Variants in MAGI2 observed in about 807,000 individuals in gnomAD.
The protein encoded by MAGI2 is membrane-associated guanylate kinase, WW and PDZ domain-containing protein 2.
In MAGI2, 35 loss-of-function variants were observed where a neutral mutation model predicts 133.3. The observed-to-expected ratio is 0.26, with a 90% CI of 0.20 to 0.35. The LOEUF is 0.35. MAGI2 is among the 10% of genes least tolerant of loss of function. The pLI, the probability that MAGI2 is intolerant of heterozygous loss-of-function variation, is 1.00. For missense variants in MAGI2, 1,636 were observed against 1,863.4 expected (o/e 0.88, Z 2.25); for synonymous variants, 729 against 710.6 (o/e 1.03, Z -0.41).
chr7:78,600,096 C>A lies in MAGI2; in HGVS notation c.538+27024G>T, dbSNP rs113423784. 5.9e-5 allele frequency among the ~76,000 whole-genome samples: 9 copies of A among 152,182 alleles called. No homozygotes were observed. In the East Asian group the frequency reaches 1.4e-3, roughly 23 times the overall value. On this transcript the variant is annotated intron_variant, in intron 3 of 21. Coordinates refer to ENST00000354212, the MANE Select transcript of MAGI2 (RefSeq NM_012301.4). ...TCTTAAAAACCAATAAAATTGGATA[C>A]CTTTTTGTAAATATCTCCATAAGTT...
At chr7:79,185,420 A>T (rs1034044205) in intron 1 of MAGI2, among the ~76,000 whole-genome samples, 3 of 151,740 alleles carry the variant, frequency 2.0e-5, no homozygotes, top group Non-Finnish European at 4.4e-5. Context: ...CTTAACAATC[A>T]TCAACAACAG....
At chr7:78,839,312 G>A (rs1436316364) in intron 2 of MAGI2, among the ~76,000 whole-genome samples, 3 of 152,086 alleles carry the variant, frequency 2.0e-5, no homozygotes, top group South Asian at 2.1e-4. Context: ...AACATGCTGG[G>A]TGGGCCCAGC....
At chr7:78,049,421 T>G (rs956882525) in intron 21 of MAGI2, among the ~76,000 whole-genome samples, 11 of 152,208 alleles carry the variant, frequency 7.2e-5, no homozygotes, top group Non-Finnish European at 2.9e-5. Context: ...TCTAGACATT[T>G]TACTTAGTGC....
At chr7:79,249,671 A>T (rs989723985) in intron 1 of MAGI2, among the ~76,000 whole-genome samples, 3 of 152,148 alleles carry the variant, frequency 2.0e-5, no homozygotes, top group South Asian at 4.1e-4. Flanking sequence ...CACCCAGCAA[A>T]GAAAATCCTG....
chr7:78,829,491 T>A (rs1375695130), intron 2 of MAGI2, among the ~76,000 whole-genome samples: 2 of 152,090 alleles, frequency 1.3e-5, no homozygotes, highest in African/African-American at 4.8e-5. Context: ...TTGTATTCTG[T>A]TTCTTTGAAC....
At chr7:78,313,339 T>C (rs1015726054) in intron 9 of MAGI2, among the ~76,000 whole-genome samples, 28 of 151,946 alleles carry the variant, frequency 1.8e-4, no homozygotes, top group Admixed American at 7.9e-4. Flanking sequence ...CCCCTAAATA[T>C]ATAAAAATAA....
intron 4 of MAGI2, among the ~76,000 whole-genome samples, chr7:78,502,241 T>C (rs1254443999): frequency 6.6e-6 from 1 of 152,064 alleles, no homozygotes; most frequent in East Asian, 1.9e-4. Context: ...CAAGAGTCCT[T>C]AAAAGTGAAA....
intron 3 of MAGI2, among the ~76,000 whole-genome samples, chr7:78,602,665 T>C (rs1432639101): frequency 6.6e-6 from 1 of 152,026 alleles, no homozygotes; most frequent in Non-Finnish European, 1.5e-5. Context: ...AGAAAAGTAA[T>C]GTATGTAAGA....
rs1306635676 is a variant in MAGI2 at position 78,625,535 on chromosome 7, AAT to A, written c.538+1583_538+1584del. Among the ~76,000 whole-genome samples the A allele has an allele frequency of 1.6e-4, 25 of 152,232 alleles. 1 individual carries two copies. The East Asian group carries it at 4.5e-3, about 27-fold the overall frequency. ...AAGGTTAATTTATTATTGAAGAAAAAATAGTTTTAAGTACATTTAATATAGCC... is the reference window on the plus strand; with the variant it reads ...AAGGTTAATTTATTATTGAAGAAAAAAGTTTTAAGTACATTTAATATAGCC... On this transcript the variant is annotated intron_variant, in intron 3 of 21. Transcript: ENST00000354212.
At chr7:78,972,995 G>A (rs1803920489) in intron 2 of MAGI2, among the ~76,000 whole-genome samples, 1 of 150,842 alleles carries the variant, frequency 6.6e-6, no homozygotes, top group Non-Finnish European at 1.5e-5. Context: ...AAACAAATCT[G>A]GGCTATATAT....
At chr7:78,189,370 C>T (rs961279139) in intron 12 of MAGI2, among the ~76,000 whole-genome samples, 3 of 152,158 alleles carry the variant, frequency 2.0e-5, no homozygotes, top group African/African-American at 7.2e-5. Context: ...TTGATTGCTA[C>T]CTTTGCTATG....
At chr7:78,510,520 G>A (rs559084482) in intron 4 of MAGI2, among the ~76,000 whole-genome samples, 1 of 152,184 alleles carries the variant, frequency 6.6e-6, no homozygotes, top group East Asian at 1.9e-4. Context: ...GAAACAAAAG[G>A]TATGGTCAAT....
At chr7:79,125,129 T>G in intron 1 of MAGI2, 1 of 303,204 alleles carries the variant, frequency 3.3e-6, no homozygotes, top group Non-Finnish European at 6.5e-6. Context: ...AAAATCAAAC[T>G]GATTAAAATC....
chr7:79,077,383 C>A (rs1481482443), intron 1 of MAGI2, among the ~76,000 whole-genome samples: 1 of 151,158 alleles, frequency 6.6e-6, no homozygotes, highest in Non-Finnish European at 1.5e-5. Context: ...TGGTGAAACC[C>A]CGTCTCTAAT....
intron 10 of MAGI2, among the ~76,000 whole-genome samples, chr7:78,216,491 C>T (rs1273374680): frequency 6.6e-6 from 1 of 152,212 alleles, no homozygotes; most frequent in Non-Finnish European, 1.5e-5. Context: ...GTCTGTTCCC[C>T]ATCCGTTTTT....
intron 2 of MAGI2, among the ~76,000 whole-genome samples, chr7:78,917,085 G>T (rs189407063): frequency 7.9e-5 from 12 of 152,140 alleles, no homozygotes; most frequent in African/African-American, 2.9e-4. Flanking sequence ...AAAAATTAGT[G>T]ATCAGTTACA....
intron 6 of MAGI2, among the ~76,000 whole-genome samples, chr7:78,397,558 G>A (rs1384363123): frequency 6.6e-6 from 1 of 152,140 alleles, no homozygotes; most frequent in Non-Finnish European, 1.5e-5. Flanking sequence ...AAGTATAAGT[G>A]AGATCAAGAG....
intron 15 of MAGI2, among the ~76,000 whole-genome samples, chr7:78,162,879 A>G (rs559908956): frequency 6.6e-6 from 1 of 151,982 alleles, no homozygotes; most frequent in Non-Finnish European, 1.5e-5. Flanking sequence ...TCATTTTTCT[A>G]CTCATCTGGC....
At chr7:78,701,347 A>G (rs1818051042) in intron 2 of MAGI2, among the ~76,000 whole-genome samples, 2 of 151,928 alleles carry the variant, frequency 1.3e-5, no homozygotes, top group South Asian at 2.1e-4. Flanking sequence ...GGAAAATTTG[A>G]GAGATTTGGT....
Sources: allele counts gnomAD v4.1 joint callset (sites outside exome capture counted in the v4.1 genomes callset), GRCh38; gene constraint gnomAD v4.1.1; transcripts MANE v1.5; gene names NCBI Gene and HGNC (gene_info 2026-07-23, HGNC 2026-07-21).